Variants in WASF3 observed in about 807,000 individuals in gnomAD.
The protein encoded by WASF3 is WASP family member 3.
WASF3 carries 11 observed loss-of-function variants against 46.6 expected under a neutral mutation model. The observed-to-expected ratio is 0.24, with a 90% CI of 0.15 to 0.39. The LOEUF is 0.39. Ranked by LOEUF, WASF3 falls within the 10% of genes least tolerant of loss-of-function variation. The probability of loss-of-function intolerance (pLI) is 1.00; values close to 1 mark genes in which losing one functional copy is unlikely to be tolerated. For synonymous variants in WASF3, 242 were observed against 259.7 expected (o/e 0.93, Z 0.65); for missense variants, 576 against 669.8 (o/e 0.86, Z 1.55).
chr13:26,541,733 T>C, the WASF3 span, among the ~76,000 whole-genome samples: 3 of 151,852 alleles, frequency 2.0e-5, no homozygotes, highest in South Asian at 4.2e-4. Flanking sequence ...TCCTCCCGCG[T>C]TGGCCTCCCA....
At chr13:26,676,261 A>T (rs1883065697) in intron 6 of WASF3, among the ~76,000 whole-genome samples, 1 of 152,200 alleles carries the variant, frequency 6.6e-6, no homozygotes, top group African/African-American at 2.4e-5. Flanking sequence ...TAGGTTTAAA[A>T]CAAGTTACAA....
intron 2 of WASF3, among the ~76,000 whole-genome samples, chr13:26,630,180 T>C (rs1881607382): frequency 6.6e-6 from 1 of 152,142 alleles, no homozygotes; most frequent in Non-Finnish European, 1.5e-5. Flanking sequence ...GTTTTTATAC[T>C]TAAAGTTCTA....
At chr13:26,654,013 A>G (rs1882395273) in intron 3 of WASF3, among the ~76,000 whole-genome samples, 1 of 152,138 alleles carries the variant, frequency 6.6e-6, no homozygotes, top group Admixed American at 6.5e-5. Flanking sequence ...CCAGTCCAAT[A>G]GTGAAATGAC....
At chr13:26,556,425 T>C (rs1207015677), upstream of WASF3, among the ~76,000 whole-genome samples, 3 of 152,258 alleles carry the variant, frequency 2.0e-5, no homozygotes, top group African/African-American at 7.2e-5. Context: ...CAGACATTTG[T>C]CACTCTAGTA....
chr13:26,567,742 GCTTT>G (rs1433533876), intron 1 of WASF3, among the ~76,000 whole-genome samples: 1 of 151,518 alleles, frequency 6.6e-6, no homozygotes, highest in Non-Finnish European at 1.5e-5. Flanking sequence ...CACTTGCTTT[GCTTT>G]CTTTACTATG....
At chr13:26,634,937 G>C (rs979033361) in intron 2 of WASF3, among the ~76,000 whole-genome samples, 1 of 151,966 alleles carries the variant, frequency 6.6e-6, no homozygotes, top group Non-Finnish European at 1.5e-5. Flanking sequence ...CTTCATTTCA[G>C]CCTTGGTGAA....
chr13:26,675,711 G>A (rs572304228), intron 6 of WASF3, among the ~76,000 whole-genome samples: 9 of 141,258 alleles, frequency 6.4e-5, no homozygotes, highest in African/African-American at 2.1e-4. Flanking sequence ...GCAGTACCTC[G>A]GGCATAGCAC....
At chr13:26,594,402 T>TA (rs916267013) in intron 1 of WASF3, among the ~76,000 whole-genome samples, 3 of 152,154 alleles carry the variant, frequency 2.0e-5, no homozygotes, top group Non-Finnish European at 4.4e-5. Flanking sequence ...TAAATGAAGG[T>TA]AAAATCTTTT....
the WASF3 span, among the ~76,000 whole-genome samples, chr13:26,548,358 C>T: frequency 6.6e-6 from 1 of 152,190 alleles, no homozygotes; most frequent in African/African-American, 2.4e-5. Context: ...ATGATCAACT[C>T]CCCTGGGTCC....
intron 1 of WASF3, among the ~76,000 whole-genome samples, chr13:26,567,475 C>T (rs764971080): frequency 4.6e-5 from 7 of 152,190 alleles, no homozygotes; most frequent in Non-Finnish European, 8.8e-5. Context: ...TATTGGAATA[C>T]AGACGTGTTT....
intron 2 of WASF3, among the ~76,000 whole-genome samples, chr13:26,636,349 G>A (rs2062639777): frequency 6.6e-6 from 1 of 152,190 alleles, no homozygotes; most frequent in Non-Finnish European, 1.5e-5. Context: ...TGGTCTGCTG[G>A]TTGCTAAGAC....
chr13:26,605,482 T>G (rs17084378), intron 1 of WASF3, among the ~76,000 whole-genome samples: 7,523 of 152,230 alleles, frequency 0.049, 640 homozygotes, highest in African/African-American at 0.17. Flanking sequence ...TGAAGTAGAT[T>G]AGGAAGATGC....
At chr13:26,594,688 G>C (rs972445919) in intron 1 of WASF3, among the ~76,000 whole-genome samples, 2 of 152,058 alleles carry the variant, frequency 1.3e-5, no homozygotes, top group Admixed American at 6.6e-5. Flanking sequence ...CAACTCTCCC[G>C]GTTACTTGTA....
chr13:26,577,390 G>A (rs886572203), intron 1 of WASF3: 1 of 771,842 alleles, frequency 1.3e-6, no homozygotes, highest in East Asian at 2.4e-5. Flanking sequence ...AGAATATGAT[G>A]GAAATCAAGA....
chr13:26,663,195 A>G (rs1163175892), intron 3 of WASF3, among the ~76,000 whole-genome samples: 3 of 152,158 alleles, frequency 2.0e-5, no homozygotes, highest in Admixed American at 2.0e-4. Context: ...GTTCTTTTTA[A>G]CATGGGGATG....
the WASF3 span, among the ~76,000 whole-genome samples, chr13:26,549,945 G>A: frequency 1.3e-5 from 2 of 152,180 alleles, no homozygotes; most frequent in Non-Finnish European, 2.9e-5. Context: ...CCACAGCACA[G>A]AGATAAAAGC....
At chr13:26,615,892 G>A (rs1401363867) in intron 2 of WASF3, among the ~76,000 whole-genome samples, 6 of 152,010 alleles carry the variant, frequency 3.9e-5, no homozygotes, top group Non-Finnish European at 5.9e-5. Flanking sequence ...TAGTATTTTC[G>A]TCTGGCTTTC....
At chr13:26,664,429 G>T (rs675023) in intron 3 of WASF3, among the ~76,000 whole-genome samples, 3 of 152,124 alleles carry the variant, frequency 2.0e-5, no homozygotes, top group African/African-American at 7.2e-5. Context: ...AAGAAAAGTG[G>T]GAGTTATATC....
chr13:26,684,601 C>T (rs1391077686), intron 9 of WASF3, among the ~76,000 whole-genome samples: 1 of 152,020 alleles, frequency 6.6e-6, no homozygotes, highest in African/African-American at 2.4e-5. Flanking sequence ...GTAGTGTATC[C>T]AAACTAATTT....
Sources: allele counts gnomAD v4.1 joint callset (sites outside exome capture counted in the v4.1 genomes callset), GRCh38; gene constraint gnomAD v4.1.1; transcripts MANE v1.5; gene names NCBI Gene and HGNC (gene_info 2026-07-23, HGNC 2026-07-21).